CREB5: variants seen among roughly 807,000 people sequenced by gnomAD.
The protein encoded by CREB5 is cyclic AMP-responsive element-binding protein 5.
In CREB5, 19 loss-of-function variants were observed where a neutral mutation model predicts 57.1. The observed-to-expected ratio is 0.33, with a 90% CI of 0.23 to 0.49. CREB5 has a LOEUF of 0.49. Among genes scored for constraint, CREB5 ranks in the 20% least tolerant of loss-of-function variants. The pLI, the probability that CREB5 is intolerant of heterozygous loss-of-function variation, is 0.99. For missense variants in CREB5, 579 were observed against 671.6 expected, an observed-to-expected ratio of 0.86 and a Z score of 1.52; for synonymous variants, 238 against 238.3, an observed-to-expected ratio of 1.00 and a Z score of 0.01.
chr7:28,550,479 A>G (rs1262915369), intron 4 of CREB5, among the ~76,000 whole-genome samples: 1 of 152,188 alleles, frequency 6.6e-6, no homozygotes, highest in Non-Finnish European at 1.5e-5. Context: ...ACCATTGCCA[A>G]TTCCTTTGCT....
intron 1 of CREB5, among the ~76,000 whole-genome samples, chr7:28,452,905 G>T (rs1483361085): frequency 6.6e-6 from 1 of 152,224 alleles, no homozygotes; most frequent in Non-Finnish European, 1.5e-5. Flanking sequence ...AAGCAGTACA[G>T]TGTTTCAGTA....
At chr7:28,338,375 T>C (rs973752516) in intron 1 of CREB5, among the ~76,000 whole-genome samples, 27 of 152,318 alleles carry the variant, frequency 1.8e-4, no homozygotes, top group Middle Eastern at 3.4e-3. Flanking sequence ...GTTTGAGGGA[T>C]ATTTTCAGCA....
chr7:28,410,702 C>T (rs1413138243), upstream of CREB5: 2 of 379,300 alleles, frequency 5.3e-6, no homozygotes, highest in African/African-American at 2.1e-5. Flanking sequence ...TTTTATTTTT[C>T]CCTCCTTCTC....
At chr7:28,608,829 G>T (rs1267746011) in intron 5 of CREB5, among the ~76,000 whole-genome samples, 1 of 152,202 alleles carries the variant, frequency 6.6e-6, no homozygotes, top group Non-Finnish European at 1.5e-5. Context: ...TTTTGTGTAA[G>T]GCTAAGTATT....
At chr7:28,595,493 C>T (rs1796662721) in intron 5 of CREB5, among the ~76,000 whole-genome samples, 1 of 152,198 alleles carries the variant, frequency 6.6e-6, no homozygotes, top group Non-Finnish European at 1.5e-5. Context: ...CTTTCTGCCT[C>T]TATCTCAAGT....
intron 1 of CREB5, among the ~76,000 whole-genome samples, chr7:28,413,135 T>C (rs1787873965): frequency 6.8e-6 from 1 of 147,868 alleles, no homozygotes; most frequent in Non-Finnish European, 1.5e-5. Flanking sequence ...TGAATAAGAC[T>C]ATTATTTCCC....
At chr7:28,343,341 C>T (rs1388417482) in intron 1 of CREB5, among the ~76,000 whole-genome samples, 1 of 152,158 alleles carries the variant, frequency 6.6e-6, no homozygotes, top group Non-Finnish European at 1.5e-5. Context: ...ACCCATTGAA[C>T]AATCTTTGCT....
intron 5 of CREB5, among the ~76,000 whole-genome samples, chr7:28,584,833 G>A (rs1796251887): frequency 6.6e-6 from 1 of 150,964 alleles, no homozygotes; most frequent in Admixed American, 6.6e-5. Context: ...TGTAACAGAT[G>A]TGGGGGATAA....
At chr7:28,743,229 A>C (rs1804479235) in intron 7 of CREB5, among the ~76,000 whole-genome samples, 2 of 152,098 alleles carry the variant, frequency 1.3e-5, no homozygotes, top group Non-Finnish European at 2.9e-5. Context: ...ACATTAGAAA[A>C]CTTAGAAAAA....
chr7:28,516,575 G>C (rs1455455384), intron 4 of CREB5, among the ~76,000 whole-genome samples: 1 of 152,152 alleles, frequency 6.6e-6, no homozygotes, highest in East Asian at 1.9e-4. Context: ...GGCCCGCCCT[G>C]CCCTCCCATC....
chr7:28,710,207 C>T (rs1040813018), intron 5 of CREB5, among the ~76,000 whole-genome samples: 2 of 152,082 alleles, frequency 1.3e-5, no homozygotes, highest in African/African-American at 4.8e-5. Context: ...TTGTATTAAG[C>T]TGTTAATGTA....
intron 5 of CREB5, among the ~76,000 whole-genome samples, chr7:28,582,813 A>G (rs1796168555): frequency 6.6e-6 from 1 of 152,226 alleles, no homozygotes; most frequent in Admixed American, 6.5e-5. Flanking sequence ...GCAGACCCCA[A>G]GGGAGAAGAG....
chr7:28,656,403 T>C (rs556378383), intron 5 of CREB5, among the ~76,000 whole-genome samples: 94 of 152,322 alleles, frequency 6.2e-4, no homozygotes, highest in Middle Eastern at 3.4e-3. Flanking sequence ...GCCTGTTGAG[T>C]AATATCATGG....
intron 1 of CREB5, among the ~76,000 whole-genome samples, chr7:28,477,885 C>T (rs768851843): frequency 1.1e-4 from 16 of 152,138 alleles, no homozygotes; most frequent in Non-Finnish European, 2.2e-4. Context: ...GAAGATGAGG[C>T]AGCAGGATTG....
At chr7:28,608,752 A>T (rs1288701391) in intron 5 of CREB5, among the ~76,000 whole-genome samples, 4 of 152,212 alleles carry the variant, frequency 2.6e-5, no homozygotes, top group African/African-American at 7.2e-5. Context: ...GGCCAACTTG[A>T]TGGTTGACAT....
intron 3 of CREB5, among the ~76,000 whole-genome samples, chr7:28,495,294 T>C (rs1791984881): frequency 6.6e-6 from 1 of 152,076 alleles, no homozygotes; most frequent in South Asian, 2.1e-4. Context: ...TCCCAGCAGT[T>C]TGGGAGGCTG....
intron 1 of CREB5, among the ~76,000 whole-genome samples, chr7:28,486,695 T>TATATATATA (rs1282046289): frequency 2.0e-4 from 26 of 132,446 alleles, no homozygotes; most frequent in Non-Finnish European, 2.4e-4. Flanking sequence ...TATATATATG[T>TATATATATA]TACTGTGTGG....
At chr7:28,430,125 C>T (rs894551298) in intron 1 of CREB5, among the ~76,000 whole-genome samples, 19 of 152,212 alleles carry the variant, frequency 1.2e-4, no homozygotes, top group African/African-American at 4.6e-4. Context: ...TTTGGAAACA[C>T]ACACCCTGGC....
chr7:28,660,093 T>TGGCATGAC (rs1799540383), intron 5 of CREB5, among the ~76,000 whole-genome samples: 1 of 152,192 alleles, frequency 6.6e-6, no homozygotes, highest in African/African-American at 2.4e-5. Flanking sequence ...GCTGAGATGA[T>TGGCATGAC]TGGCAGTTTT....
Sources: gnomAD v4.1 joint callset for allele counts (sites outside exome capture counted in the v4.1 genomes callset) on GRCh38, gnomAD v4.1.1 for gene constraint, MANE v1.5 for transcripts, NCBI Gene and HGNC (gene_info 2026-07-23, HGNC 2026-07-21) for gene names.